CNOT1: variants seen among roughly 807,000 people sequenced by gnomAD.
The protein encoded by CNOT1 is CCR4-associated factor 1.
In CNOT1, 15 loss-of-function variants were observed where a neutral mutation model predicts 273.8. That is an observed-to-expected ratio of 0.05 (90% CI 0.04 to 0.08). The LOEUF (loss-of-function observed/expected upper bound fraction) is 0.08. Ranked by LOEUF, CNOT1 falls within the 10% of genes least tolerant of loss-of-function variation. The pLI, the probability that CNOT1 is intolerant of heterozygous loss-of-function variation, is 1.00. For missense variants in CNOT1, 1,644 were observed against 2,912.2 expected, an observed-to-expected ratio of 0.56 and a Z score of 10.02; for synonymous variants, 1,022 against 1,005.5, an observed-to-expected ratio of 1.02 and a Z score of -0.31.
chr16:58,583,293 C>T (rs2041714564), intron 8 of CNOT1, 111 bp from the exon 9 acceptor site: 1 of 1,506,822 alleles, frequency 6.6e-7, no homozygotes, highest in Non-Finnish European at 8.8e-7. Flanking sequence ...CTAAATAAAA[C>T]AGGCAGAGCA....
At chr16:58,583,219 G>C in intron 8 of CNOT1, 37 bp from the exon 9 acceptor site, 1 of 1,603,232 alleles carries the variant, frequency 6.2e-7, no homozygotes, top group Admixed American at 1.7e-5. Flanking sequence ...AATGCTACCA[G>C]CCTCAACACC....
rs763063045 is a variant in CNOT1 at position 58,551,831 on chromosome 16, G to A, written c.2971-12C>T. On this transcript the variant is annotated splice_polypyrimidine_tract_variant and intron_variant, in intron 22 of 48. Coordinates refer to ENST00000317147, the MANE Select transcript of CNOT1 (RefSeq NM_016284.5). ...CCATACTCAATATACTAAAAGGGTA[G>A]GGAGAGGAAAAAGAGTTAACCTTAA... The A allele has an allele frequency of 5.0e-6, 8 of 1,612,478 alleles. No individual in the cohort carries two copies. The highest frequency in any genetic ancestry group is 4.0e-5 in the African/African-American group (3 of 74,858).
intron 42 of CNOT1, among the ~76,000 whole-genome samples, chr16:58,530,863 G>A (rs915990311): frequency 6.6e-6 from 1 of 151,990 alleles, no homozygotes; most frequent in Non-Finnish European, 1.5e-5. Context: ...GAGATAGTGG[G>A]AAATAATATT....
chr16:58,580,964 A>G (rs1463976821), intron 11 of CNOT1, among the ~76,000 whole-genome samples: 1 of 152,088 alleles, frequency 6.6e-6, no homozygotes, highest in Non-Finnish European at 1.5e-5. Flanking sequence ...ATTATCAATC[A>G]TAACAACTGT....
intron 2 of CNOT1, among the ~76,000 whole-genome samples, chr16:58,592,165 C>T (rs1007949204): frequency 6.6e-6 from 1 of 152,158 alleles, no homozygotes; most frequent in Admixed American, 6.6e-5. Context: ...AAGTGTAGGG[C>T]TTAATTTTAG....
chr16:58,611,286 G>T (rs922350580), intron 1 of CNOT1, among the ~76,000 whole-genome samples: 1 of 151,632 alleles, frequency 6.6e-6, no homozygotes, highest in Non-Finnish European at 1.5e-5. Flanking sequence ...AAAATTAGCC[G>T]GGCGTGACAG....
chr16:58,598,547 C>T (rs1313919869), intron 2 of CNOT1, among the ~76,000 whole-genome samples: 1 of 151,142 alleles, frequency 6.6e-6, no homozygotes, highest in African/African-American at 2.4e-5. Context: ...CCAGCCTGAG[C>T]GACAGAGCTC....
chr16:58,627,005 C>A (rs1470223830), intron 1 of CNOT1, among the ~76,000 whole-genome samples: 1 of 151,958 alleles, frequency 6.6e-6, no homozygotes, highest in Non-Finnish European at 1.5e-5. Context: ...TGACAGCACT[C>A]AATTAGAATT....
Position 58,531,949 on chromosome 16 carries a change from C to T in CNOT1, c.6177+9G>A. 1 of 1,613,862 alleles carries T rather than the reference C, an allele frequency of 6.2e-7. No homozygotes were observed. The highest frequency in any genetic ancestry group is 8.5e-7 in the Non-Finnish European group (1 of 1,179,936). On this transcript the variant is annotated intron_variant, in intron 42 of 48. Transcript: ENST00000317147. ...GTCTTCATCTACAGGAGATAAACTG[C>T]AGCCACACCTTCTGCTGTGGCGTAT...
At chr16:58,554,863 G>C (rs2040576374) in intron 21 of CNOT1, among the ~76,000 whole-genome samples, 1 of 148,920 alleles carries the variant, frequency 6.7e-6, no homozygotes, top group Non-Finnish European at 1.5e-5. Context: ...TTGAACTCAG[G>C]AGGCGGAAGG....
At chr16:58,548,907 T>C (rs769550015) in intron 25 of CNOT1, among the ~76,000 whole-genome samples, 9 of 152,200 alleles carry the variant, frequency 5.9e-5, no homozygotes, top group African/African-American at 9.7e-5. Context: ...TTGTTTATAA[T>C]AGTTTAAGTG....
intron 36 of CNOT1, among the ~76,000 whole-genome samples, 191 bp downstream of exon 36, chr16:58,538,581 C>G (rs2039988743): frequency 6.6e-6 from 1 of 152,126 alleles, no homozygotes; most frequent in African/African-American, 2.4e-5. Flanking sequence ...TTTTCTATAT[C>G]CAACATGGGG....
In CNOT1 at chr16:58,581,460, T is replaced by A; in HGVS notation, c.1100A>T (p.Gln367Leu). Residue 367 changes from glutamine to leucine, a missense_variant, in exon 11 of 49, where the codon CAA becomes CTA. Gln to Leu is a moderately radical substitution (Grantham distance 113). Transcript: ENST00000317147. ...VTYELDHPGF[Q>L]IRDSKGLHNV... ...ATGAAGTCCTTTACTGTCACGAATT[T>A]GAAATCCAGGATGGTCCAGTTCATA... The A allele has an allele frequency of 6.2e-7, 1 of 1,614,112 alleles. No homozygotes were observed. Among genetic ancestry groups the A allele is most frequent in the Non-Finnish European group, 8.5e-7 (1 of 1,180,002 alleles).
intron 1 of CNOT1, among the ~76,000 whole-genome samples, chr16:58,617,949 C>T (rs759502056): frequency 5.9e-5 from 9 of 152,070 alleles, no homozygotes; most frequent in Middle Eastern, 3.4e-3. Flanking sequence ...GTGATTTTAA[C>T]GAGCTATCAC....
intron 47 of CNOT1, among the ~76,000 whole-genome samples, chr16:58,522,439 AAGC>A (rs2039429784): frequency 6.6e-6 from 1 of 152,170 alleles, no homozygotes; most frequent in Non-Finnish European, 1.5e-5. Context: ...ATCATCATCT[AAGC>A]ATCCAATAAG....
intron 8 of CNOT1, 95 bp downstream of exon 8, chr16:58,585,243 T>G: frequency 6.5e-7 from 1 of 1,542,396 alleles, no homozygotes; most frequent in Non-Finnish European, 8.8e-7. Context: ...GAAGAAAAGA[T>G]GATTAACTTT....
chr16:58,557,786 C>G (rs528910321), intron 18 of CNOT1, among the ~76,000 whole-genome samples: 3 of 152,160 alleles, frequency 2.0e-5, no homozygotes, highest in Non-Finnish European at 4.4e-5. Context: ...GTCGGGAATT[C>G]GAGATCAGCC....
At chr16:58,523,645 G>C (rs1400011238) in intron 46 of CNOT1, 143 bp from the exon 47 acceptor site, 1 of 615,874 alleles carries the variant, frequency 1.6e-6, no homozygotes, top group African/African-American at 1.8e-5. Flanking sequence ...GGACCCCAAA[G>C]AGTTCTCATT....
At chr16:58,590,531 G>A (rs1239661338) in intron 2 of CNOT1, among the ~76,000 whole-genome samples, 2 of 152,014 alleles carry the variant, frequency 1.3e-5, no homozygotes, top group Non-Finnish European at 2.9e-5. Flanking sequence ...GGAGGCGGAG[G>A]TTGCAGTGAG....
Sources: allele counts gnomAD v4.1 joint callset (sites outside exome capture counted in the v4.1 genomes callset), GRCh38; gene constraint gnomAD v4.1.1; transcripts MANE v1.5; gene names NCBI Gene and HGNC (gene_info 2026-07-23, HGNC 2026-07-21).